APBA2: variants seen among roughly 807,000 people sequenced by gnomAD.
APBA2 encodes the protein amyloid beta precursor protein binding family A member 2.
Under a neutral mutation model 75.0 loss-of-function variants are expected in APBA2, and 30 were observed. The ratio of observed to expected loss-of-function variants is 0.40; its 90% CI spans 0.30 to 0.54. The LOEUF is 0.54. Among genes scored for constraint, APBA2 ranks in the 20% least tolerant of loss-of-function variants. The probability of loss-of-function intolerance (pLI) is 0.49; values close to 1 mark genes in which losing one functional copy is unlikely to be tolerated. For missense variants in APBA2, 801 were observed against 1,016.1 expected (o/e 0.79, Z 2.88); for synonymous variants, 444 against 409.6 (o/e 1.08, Z -1.01).
At chr15:28,938,081 C>T (rs2034981997) in intron 2 of APBA2, among the ~76,000 whole-genome samples, 1 of 152,196 alleles carries the variant, frequency 6.6e-6, no homozygotes, top group South Asian at 2.1e-4. Flanking sequence ...AAGCAGGTGT[C>T]CTGAGGTCAT....
chr15:28,948,891 G>A (rs1019768966), intron 2 of APBA2, among the ~76,000 whole-genome samples: 3 of 151,800 alleles, frequency 2.0e-5, no homozygotes, highest in Admixed American at 6.6e-5. Flanking sequence ...GTGAGAGGCT[G>A]GGGGGTTGGT....
intron 12 of APBA2, among the ~76,000 whole-genome samples, 159 bp downstream of exon 12, chr15:29,106,978 GAA>G (rs1430689129): frequency 6.6e-6 from 1 of 152,172 alleles, no homozygotes; most frequent in Non-Finnish European, 1.5e-5. Flanking sequence ...GATGGTATCA[GAA>G]TTTGAACTCA....
chr15:29,112,856 C>T (rs773318865), intron 13 of APBA2, among the ~76,000 whole-genome samples: 3 of 152,164 alleles, frequency 2.0e-5, no homozygotes, highest in Non-Finnish European at 2.9e-5. Flanking sequence ...AGCACCACCG[C>T]CCATTTCTCC....
At chr15:29,029,993 T>C (rs990082301) in intron 3 of APBA2, among the ~76,000 whole-genome samples, 4 of 152,160 alleles carry the variant, frequency 2.6e-5, no homozygotes, top group African/African-American at 9.6e-5. Flanking sequence ...CAGAGGTGGC[T>C]GGCCATGTGG....
intron 5 of APBA2, 98 bp from the exon 6 acceptor site, chr15:29,075,957 C>A: frequency 1.8e-6 from 2 of 1,123,516 alleles, no homozygotes; most frequent in Non-Finnish European, 2.7e-6. Context: ...GTTTGCTTTT[C>A]TCATTATGGC....
intron 3 of APBA2, among the ~76,000 whole-genome samples, chr15:29,019,657 C>G (rs981859238): frequency 4.3e-4 from 66 of 152,336 alleles, no homozygotes; most frequent in African/African-American, 1.5e-3. Flanking sequence ...ACTGTACACA[C>G]AGGTCTATCT....
intron 14 of APBA2, among the ~76,000 whole-genome samples, chr15:29,115,957 G>A (rs554275916): frequency 1.2e-4 from 18 of 148,132 alleles, no homozygotes; most frequent in African/African-American, 3.7e-4. Flanking sequence ...GCTGACCCTG[G>A]CAGTGCGAGG....
At chr15:28,963,040 TG>T (rs2036558301) in intron 2 of APBA2, among the ~76,000 whole-genome samples, 1 of 152,138 alleles carries the variant, frequency 6.6e-6, no homozygotes, top group African/African-American at 2.4e-5. Flanking sequence ...GGGCACTAGG[TG>T]GGTGGCAGGT....
intron 1 of APBA2, among the ~76,000 whole-genome samples, chr15:28,898,521 C>T (rs1173889063): frequency 6.6e-6 from 1 of 152,178 alleles, no homozygotes; most frequent in Non-Finnish European, 1.5e-5. Context: ...GGAAGGGCAA[C>T]AGACAACTGT....
In APBA2 at chr15:29,046,876, C is replaced by G. The variant is rs891611804; in HGVS notation, c.-40-6969C>G. ...TCTGGCCACAGCCACTCCCAGCCAC[C>G]TGTGTCAGCAGAGTTCCCCGTTCCC... On this transcript the variant is annotated intron_variant, in intron 3 of 14. Transcript: ENST00000683413. This position sits in a 1 kb window ranked among gnomAD's most constrained non-coding sequence, Gnocchi z 5.0. Among the ~76,000 whole-genome samples the G allele has an allele frequency of 1.3e-5, 2 of 152,238 alleles. No homozygotes were observed. The highest frequency in any genetic ancestry group is 4.8e-5 in the African/African-American group (2 of 41,454).
intron 2 of APBA2, among the ~76,000 whole-genome samples, chr15:28,956,352 C>T (rs1004618927): frequency 3.3e-5 from 5 of 151,684 alleles, no homozygotes; most frequent in African/African-American, 1.2e-4. Context: ...GGGGTGGGGT[C>T]CCAAGCAGGA....
intron 6 of APBA2, among the ~76,000 whole-genome samples, chr15:29,091,771 G>T (rs2043584212): frequency 6.6e-6 from 1 of 152,184 alleles, no homozygotes; most frequent in Non-Finnish European, 1.5e-5. Context: ...GCAACAGAAT[G>T]GGTTAGAGGT....
chr15:28,927,906 G>A (rs2034358880), intron 2 of APBA2, among the ~76,000 whole-genome samples: 1 of 151,424 alleles, frequency 6.6e-6, no homozygotes, highest in African/African-American at 2.4e-5. Flanking sequence ...CACTTTGGGA[G>A]GCCGAGGCGG....
intron 3 of APBA2, among the ~76,000 whole-genome samples, chr15:29,035,286 G>T (rs1323946398): frequency 2.6e-5 from 4 of 152,178 alleles, no homozygotes; most frequent in Admixed American, 2.0e-4. Context: ...CAATCGTGGG[G>T]TCATTAGGAT....
At chr15:28,967,627 A>T (rs1169914722) in intron 2 of APBA2, among the ~76,000 whole-genome samples, 1 of 151,992 alleles carries the variant, frequency 6.6e-6, no homozygotes, top group Non-Finnish European at 1.5e-5. Context: ...TTTAGTAGAG[A>T]TGGGGTTTCA....
chr15:29,088,476 G>T (rs2043395793), intron 6 of APBA2, among the ~76,000 whole-genome samples: 1 of 152,146 alleles, frequency 6.6e-6, no homozygotes, highest in Non-Finnish European at 1.5e-5. Context: ...GGGCAGGTCT[G>T]TCCATCGAGC....
intron 2 of APBA2, among the ~76,000 whole-genome samples, chr15:28,959,122 G>T (rs1475858481): frequency 6.6e-6 from 1 of 152,082 alleles, no homozygotes; most frequent in Non-Finnish European, 1.5e-5. Flanking sequence ...CCGAGTAGCT[G>T]GGACTGCAGG....
At chr15:28,973,860 A>G in intron 2 of APBA2, among the ~76,000 whole-genome samples, 1 of 152,214 alleles carries the variant, frequency 6.6e-6, no homozygotes, top group East Asian at 1.9e-4. Context: ...CCACTGAAAC[A>G]AAAATATAGA....
intron 2 of APBA2, among the ~76,000 whole-genome samples, chr15:28,971,790 C>A (rs779167468): frequency 6.5e-4 from 99 of 152,160 alleles, no homozygotes; most frequent in Non-Finnish European, 1.2e-3. Context: ...CCTGAGCAAG[C>A]CACACAGACC....
Sources: allele counts gnomAD v4.1 joint callset (sites outside exome capture counted in the v4.1 genomes callset), GRCh38; gene constraint gnomAD v4.1.1; non-coding constraint Gnocchi (gnomAD v3.1); transcripts MANE v1.5; gene names NCBI Gene and HGNC (gene_info 2026-07-23, HGNC 2026-07-21).